ZNF469: variants seen among roughly 807,000 people sequenced by gnomAD.
The protein encoded by ZNF469 is zinc finger protein 469.
In ZNF469, 1 loss-of-function variant was observed where a neutral mutation model predicts 1.0. The ratio of observed to expected loss-of-function variants is 1.00; its 90% confidence interval spans 0.35 to 4.73. The LOEUF is 4.73. Ranked by LOEUF, ZNF469 falls within the 30% of genes most tolerant of loss-of-function variation. The pLI is 0.16. For synonymous variants in ZNF469, 2,703 were observed against 2,363.4 expected, an observed-to-expected ratio of 1.14 and a Z score of -4.17; for missense variants, 6,100 against 5,356.3, an observed-to-expected ratio of 1.14 and a Z score of -4.33.
chr16:88,387,278 G>A (rs998958888), intron 1 of ZNF469, among the ~76,000 whole-genome samples: 1 of 152,204 alleles, frequency 6.6e-6, no homozygotes, highest in Admixed American at 6.5e-5. Context: ...GGTGCTATCG[G>A]CCGTCCAGCC....
rs750481489 is a variant in ZNF469, at chr16:88,438,232, G to A, written c.10762G>A (p.Gly3588Arg). 1.0e-4 allele frequency: 162 copies of A among 1,547,058 alleles called. 1 individual carries two copies. In the Admixed American group the frequency reaches 1.7e-3, roughly 16 times the overall value. Residue 3588 changes from glycine to arginine, a missense_variant, in exon 3 of 3, where the codon GGG becomes AGG. By Grantham distance (125) the Gly-to-Arg change is moderately radical. Coordinates refer to ENST00000565624, the MANE Select transcript of ZNF469 (RefSeq NM_001367624.2). ...GAACGAGGCTTCCCCAGGCAGCCCCGGGCCTCTTCTCCAGCAAGCTCTCCC... is the reference window on the plus strand; with the variant it reads ...GAACGAGGCTTCCCCAGGCAGCCCCAGGCCTCTTCTCCAGCAAGCTCTCCC... ...PENEASPGSP[G>R]PLLQQALPLG... is the part of the protein sequence containing the mutation.
intron 1 of ZNF469, among the ~76,000 whole-genome samples, chr16:88,411,377 C>T (rs1440431440): frequency 1.3e-5 from 2 of 149,838 alleles, no homozygotes; most frequent in East Asian, 3.9e-4. Flanking sequence ...GAGTGGCGGG[C>T]AGGGGTGGTG....
the ZNF469 span, among the ~76,000 whole-genome samples, chr16:88,156,735 C>T: frequency 6.6e-6 from 1 of 152,076 alleles, no homozygotes; most frequent in African/African-American, 2.4e-5. Context: ...ATGTTCTCTC[C>T]TGGAGGGACT....
chr16:88,266,686 G>C, the ZNF469 span, among the ~76,000 whole-genome samples: 1 of 152,218 alleles, frequency 6.6e-6, no homozygotes, highest in African/African-American at 2.4e-5. Flanking sequence ...CTGAGGACCT[G>C]GGACGTGCTG....
chr16:88,229,817 G>T, the ZNF469 span, among the ~76,000 whole-genome samples: 1 of 152,122 alleles, frequency 6.6e-6, no homozygotes, highest in Non-Finnish European at 1.5e-5. Context: ...CCTCCACTCT[G>T]CCCCGCTGTG....
At chr16:88,150,365 A>G in the ZNF469 span, among the ~76,000 whole-genome samples, 5 of 152,186 alleles carry the variant, frequency 3.3e-5, no homozygotes, top group African/African-American at 1.2e-4. Context: ...GCAAAAATCA[A>G]TTTAGAGCCA....
the ZNF469 span, among the ~76,000 whole-genome samples, chr16:88,182,343 A>G: frequency 6.7e-6 from 1 of 148,236 alleles, no homozygotes; most frequent in Non-Finnish European, 1.5e-5. Context: ...TCAAAGTCTC[A>G]TCAGACTTTT....
the ZNF469 span, among the ~76,000 whole-genome samples, chr16:88,349,554 C>G: frequency 6.7e-6 from 1 of 149,634 alleles, no homozygotes; most frequent in Non-Finnish European, 1.5e-5. Context: ...AGGCACACAC[C>G]ACACCCAAGT....
the ZNF469 span, among the ~76,000 whole-genome samples, chr16:88,321,288 C>G: frequency 6.6e-6 from 1 of 152,272 alleles, no homozygotes; most frequent in African/African-American, 2.4e-5. Flanking sequence ...GATGCTGCAG[C>G]CTTCAGGCAG....
At chr16:88,239,699 ATATATATATATATATATTTT>A in the ZNF469 span, among the ~76,000 whole-genome samples, 1 of 12,226 alleles carries the variant, frequency 8.2e-5, no homozygotes, top group Non-Finnish European at 1.4e-4. Context: ...ATATATATAT[ATATATATATATATATATTTT>A]TTTTTTTTTT....
In ZNF469 at chr16:88,438,579, G is replaced by A. The variant is rs886052419; in HGVS notation, c.11109G>A (p.Val3703=). 1.9e-6 allele frequency: 3 copies of A among 1,550,032 alleles called. No individual in the cohort carries two copies. Among genetic ancestry groups the A allele is most frequent in the Non-Finnish European group, 2.6e-6 (3 of 1,146,956 alleles). ...LKFPVHPRKA[V]GSLAPGELAR... ...TCCCAGTGCACCCAAGGAAGGCGGTGGGGAGCCTGGCACCCGGGGAGCTGG... is the reference window on the plus strand; with the variant it reads ...TCCCAGTGCACCCAAGGAAGGCGGTAGGGAGCCTGGCACCCGGGGAGCTGG... Residue 3703 remains valine, a synonymous_variant, in exon 3 of 3, where the codon GTG becomes GTA. Coordinates refer to ENST00000565624, the MANE Select transcript of ZNF469 (RefSeq NM_001367624.2).
At chr16:88,378,200 C>T (rs1043368719), upstream of ZNF469, among the ~76,000 whole-genome samples, 2 of 152,154 alleles carry the variant, frequency 1.3e-5, no homozygotes, top group Admixed American at 1.3e-4. Context: ...CAAGTGGAAA[C>T]TCAGAGAGGC....
the ZNF469 span, among the ~76,000 whole-genome samples, chr16:88,222,151 G>A: frequency 2.6e-5 from 4 of 152,188 alleles, no homozygotes; most frequent in Non-Finnish European, 4.4e-5. Flanking sequence ...TGCAGTTTCA[G>A]AATGTGAATC....
the ZNF469 span, among the ~76,000 whole-genome samples, chr16:88,186,902 T>C: frequency 1.3e-5 from 2 of 151,838 alleles, no homozygotes; most frequent in African/African-American, 4.8e-5. Context: ...GCTGCCGAGA[T>C]GCAGGACACG....
At chr16:88,239,667 G>A in the ZNF469 span, among the ~76,000 whole-genome samples, 74 of 28,186 alleles carry the variant, frequency 2.6e-3, 1 homozygote, top group African/African-American at 4.5e-3. Context: ...TTTTTTTTTT[G>A]TATATATATA....
chr16:88,222,570 C>G, the ZNF469 span, among the ~76,000 whole-genome samples: 1 of 152,262 alleles, frequency 6.6e-6, no homozygotes, highest in East Asian at 1.9e-4. Flanking sequence ...CCAGCCTGAC[C>G]AACATGGAGA....
chr16:88,389,017 C>T (rs1397990956), intron 1 of ZNF469, among the ~76,000 whole-genome samples: 1 of 152,212 alleles, frequency 6.6e-6, no homozygotes, highest in Admixed American at 6.5e-5. Flanking sequence ...ACAGAGACAG[C>T]GATAAAGCTC....
At chr16:88,425,964 C>T (rs1905680455) in intron 2 of ZNF469, among the ~76,000 whole-genome samples, 1 of 152,238 alleles carries the variant, frequency 6.6e-6, no homozygotes, top group Non-Finnish European at 1.5e-5. Context: ...GCAGGCAGTC[C>T]CTGGGCACAG....
the ZNF469 span, among the ~76,000 whole-genome samples, chr16:88,340,932 G>A: frequency 6.6e-6 from 1 of 152,086 alleles, no homozygotes; most frequent in Non-Finnish European, 1.5e-5. Flanking sequence ...GAGAGCCCTG[G>A]GGGTTGGGGT....
Sources: allele counts gnomAD v4.1 joint callset (sites outside exome capture counted in the v4.1 genomes callset), GRCh38; gene constraint gnomAD v4.1.1; transcripts MANE v1.5; gene names NCBI Gene and HGNC (gene_info 2026-07-23, HGNC 2026-07-21).